The following TAX1BP3 variants were observed in gnomAD, a reference collection of about 807,000 sequenced individuals.
TAX1BP3 encodes the protein tax1-binding protein 3.
A neutral mutation model predicts 15.3 loss-of-function variants in TAX1BP3; 13 were observed. The observed-to-expected ratio is 0.85, with a 90% CI of 0.55 to 1.35. The LOEUF (loss-of-function observed/expected upper bound fraction) is 1.35, where lower values mean the gene tolerates loss of function less well. TAX1BP3 is among the 40% of genes most tolerant of loss of function. The pLI is 0.00. For synonymous variants in TAX1BP3, 70 were observed against 66.0 expected (o/e 1.06, Z -0.30); for missense variants, 147 against 169.6 (o/e 0.87, Z 0.74).
chr17:3,668,403 T>C lies in TAX1BP3; in HGVS notation c.39+85A>G. 1 of 1,531,184 alleles carries C rather than the reference T, an allele frequency of 6.5e-7. No individual in the cohort carries two copies. Among genetic ancestry groups the C allele is most frequent in the Non-Finnish European group, 8.8e-7 (1 of 1,132,674 alleles). The allele number at this position is 1,531,184 out of a possible 1,614,324, so 94.8% of individuals were successfully genotyped here. A position where few individuals can be genotyped will look rare whatever the true frequency, so the allele number is the denominator to read the frequency against. ...CGCAGGAGCCCCGGGTTCGATGCTCTGTCAACCTGCTTGGGGTGTCCGTTT... is the reference window on the plus strand; with the variant it reads ...CGCAGGAGCCCCGGGTTCGATGCTCCGTCAACCTGCTTGGGGTGTCCGTTT... On this transcript the variant is annotated intron_variant, in intron 1 of 3. Coordinates refer to ENST00000225525, the MANE Select transcript of TAX1BP3 (RefSeq NM_014604.4). This position sits in a 1 kb window ranked among gnomAD's most constrained non-coding sequence, Gnocchi z 4.1.
intron 2 of TAX1BP3, 174 bp from the exon 3 acceptor site, chr17:3,664,446 C>T: frequency 1.1e-6 from 1 of 939,526 alleles, no homozygotes; most frequent in Non-Finnish European, 1.6e-6. Flanking sequence ...GTTGCTGCAC[C>T]ACCATGCACC....
intron 2 of TAX1BP3, 74 bp downstream of exon 2, chr17:3,664,605 C>T (rs1431673737): frequency 1.3e-6 from 2 of 1,570,848 alleles, no homozygotes; most frequent in Admixed American, 1.7e-5. Flanking sequence ...TCCATGCAGG[C>T]CCAGGAAGCA....
At position 3,668,007 on chromosome 17, in the gene TAX1BP3, T is replaced by C. The variant is rs997513973; in HGVS notation, c.39+481A>G. Among the ~76,000 whole-genome samples, 3 of 152,206 alleles carry C rather than the reference T, an allele frequency of 2.0e-5. No individual in the cohort carries two copies. Among genetic ancestry groups the C allele is most frequent in the Admixed American group, 6.5e-5 (1 of 15,286 alleles). ...GGCGAGTGGGTTGGAGGAGCAAGGC[T>C]GGACAGGAAGGGGGCAGGGGCTGCC... On this transcript the variant is annotated intron_variant, in intron 1 of 3. Coordinates refer to ENST00000225525, the MANE Select transcript of TAX1BP3 (RefSeq NM_014604.4). The surrounding 1 kb of genome is among the most constrained non-coding windows in gnomAD (Gnocchi z 4.1).
Position 3,664,093 on chromosome 17 carries a change from G to A in TAX1BP3, c.237+102C>T. Reference sequence around the variant, plus strand: ...CAGTATGGGTTCCCAATTGGCTGCAGTGAGTCTCTCCCAGCTGGGAGGCTG... The same window carrying A: ...CAGTATGGGTTCCCAATTGGCTGCAATGAGTCTCTCCCAGCTGGGAGGCTG... On this transcript the variant is annotated intron_variant, in intron 3 of 3. Coordinates refer to ENST00000225525, the MANE Select transcript of TAX1BP3 (RefSeq NM_014604.4). 1.3e-6 allele frequency: 2 copies of A among 1,524,194 alleles called. 1 individual carries two copies. Among genetic ancestry groups the A allele is most frequent in the African/African-American group, 2.7e-5 (2 of 73,442 alleles). The allele number at this position is 1,524,194 out of a possible 1,614,324, so 94.4% of individuals were successfully genotyped here.
In TAX1BP3 at chr17:3,663,327, C is replaced by T. The variant is rs371391827; in HGVS notation, c.*421G>A. ...GCAGAGGCACTGCGGTGTGGACACA[C>T]GAGGGCTGGGGGGCAGGGGCGGAGC... On this transcript the variant is annotated 3_prime_UTR_variant, in exon 4 of 4. Transcript: ENST00000225525. 9 of 161,846 alleles carry T rather than the reference C, an allele frequency of 5.6e-5. No homozygotes were observed. The highest frequency in any genetic ancestry group is 6.3e-5 in the Admixed American group (1 of 15,924). 10.0% of individuals were successfully genotyped at this position (161,846 alleles called of 1,614,324 possible).
Position 3,663,847 on chromosome 17 carries a change from C to T in TAX1BP3, c.276G>A (p.Gln92=). ...AGCGCTTGGTGAGCCGCTTGCGGGC[C>T]TGGTCGTGTGTGACCATGGTCATGT... is the stretch of plus-strand genomic sequence containing the variant. ...GWDMTMVTHD[Q]ARKRLTKRSE... Residue 92 remains glutamine (Q), a synonymous_variant, in exon 4 of 4, where the codon CAG becomes CAA. Coordinates refer to ENST00000225525, the MANE Select transcript of TAX1BP3 (RefSeq NM_014604.4). The T allele has an allele frequency of 1.2e-6, 2 of 1,609,694 alleles. No individual in the cohort carries two copies. The highest frequency in any genetic ancestry group is 1.7e-6 in the Non-Finnish European group (2 of 1,179,968).
chr17:3,665,396 CA>C, intron 1 of TAX1BP3: 1 of 1,465,960 alleles, frequency 6.8e-7, no homozygotes, highest in Non-Finnish European at 9.4e-7. Flanking sequence ...GTTACCATGG[CA>C]AAACTGGAAG....
At position 3,668,515 on chromosome 17, in the gene TAX1BP3, G is replaced by A. The variant is rs921424492; in HGVS notation, c.12C>T (p.Ile4=). Residue 4 remains isoleucine (I), a synonymous_variant, in exon 1 of 4, where the codon ATC becomes ATT. Coordinates refer to ENST00000225525, the MANE Select transcript of TAX1BP3 (RefSeq NM_014604.4). This position sits in a 1 kb window ranked among gnomAD's most constrained non-coding sequence, Gnocchi z 4.1. ...CCACGGCGGTGACCGGCTGGCCCGG[G>A]ATGTAGGACATCTCGACCCTGCTCT... MSY[I]PGQPVTAVVQ... 6.2e-7 allele frequency: 1 copy of A among 1,608,496 alleles called. No individual in the cohort carries two copies. The highest frequency in any genetic ancestry group is 1.1e-5 in the South Asian group (1 of 90,296).
chr17:3,663,206 C>T lies in TAX1BP3; in HGVS notation c.*542G>A, dbSNP rs11541133. The T allele has an allele frequency of 0.034, 5,178 of 152,570 alleles. 129 individuals carry two copies. Among genetic ancestry groups the T allele is most frequent in the Middle Eastern group, 0.061 (18 of 296 alleles). 9.5% of individuals were successfully genotyped at this position (152,570 alleles called of 1,614,324 possible). Reference sequence around the variant, plus strand: ...GCAAACCCTGGGGAGGCCAGCACCCCTCGGGAGAGTGGGAGTGAACGCGGA... The same window carrying T: ...GCAAACCCTGGGGAGGCCAGCACCCTTCGGGAGAGTGGGAGTGAACGCGGA... On this transcript the variant is annotated 3_prime_UTR_variant, in exon 4 of 4. Coordinates refer to ENST00000225525, the MANE Select transcript of TAX1BP3 (RefSeq NM_014604.4).
intron 1 of TAX1BP3, chr17:3,665,476 C>G: frequency 7.2e-7 from 1 of 1,388,514 alleles, no homozygotes; most frequent in East Asian, 2.3e-5. Context: ...AAGATTCTTG[C>G]CAAGAGAATT....
At chr17:3,666,222 A>G (rs1027970999) in intron 1 of TAX1BP3, among the ~76,000 whole-genome samples, 2 of 152,174 alleles carry the variant, frequency 1.3e-5, no homozygotes, top group African/African-American at 2.4e-5. Context: ...CCAGGCTTTG[A>G]GGGGGTGATG....
chr17:3,668,016 AG>A lies in TAX1BP3; in HGVS notation c.39+471del, dbSNP rs888612145. ...GTTGGAGGAGCAAGGCTGGACAGGA[AG>A]GGGGCAGGGGCTGCCACGGCAGGCT... On this transcript the variant is annotated intron_variant, in intron 1 of 3. Transcript: ENST00000225525. This position sits in a 1 kb window ranked among gnomAD's most constrained non-coding sequence, Gnocchi z 4.1. 3.9e-5 allele frequency among the ~76,000 whole-genome samples: 6 copies of A among 152,242 alleles called. No homozygotes were observed. Among genetic ancestry groups the A allele is most frequent in the African/African-American group, 1.4e-4 (6 of 41,466 alleles).
intron 1 of TAX1BP3, among the ~76,000 whole-genome samples, chr17:3,666,277 G>A (rs896926505): frequency 1.3e-5 from 2 of 152,238 alleles, no homozygotes; most frequent in African/African-American, 4.8e-5. Context: ...TCTCAGGAAC[G>A]GAGTAGGGTA....
chr17:3,667,767 C>G (rs947259673), intron 1 of TAX1BP3, among the ~76,000 whole-genome samples: 1 of 152,196 alleles, frequency 6.6e-6, no homozygotes, highest in Non-Finnish European at 1.5e-5. Context: ...AACGTCCCAG[C>G]CTTCCTTCCT....
chr17:3,665,742 C>CAGAA, intron 1 of TAX1BP3: 1 of 140,596 alleles, frequency 7.1e-6, no homozygotes, highest in South Asian at 6.8e-5. Flanking sequence ...CTCTGGGCTC[C>CAGAA]AAAAAAAAAA....
Position 3,664,260 on chromosome 17 carries a change from TGACATA to T in TAX1BP3, c.166_171del (p.Tyr56_Val57del), listed in dbSNP as rs1567721256. Reference sequence around the variant, plus strand: ...GCAGGGCCTCCTTCAGACACCCGTGTGACATAAATACCCTGGAAAGGGGCAGCCCAA... The same window carrying T: ...GCAGGGCCTCCTTCAGACACCCGTGTAATACCCTGGAAAGGGGCAGCCCAA... On this transcript the variant is annotated inframe_deletion, in exon 3 of 4. Coordinates refer to ENST00000225525, the MANE Select transcript of TAX1BP3 (RefSeq NM_014604.4). 3 of 1,613,990 alleles carry T rather than the reference TGACATA, an allele frequency of 1.9e-6. No homozygotes were observed. Among genetic ancestry groups the T allele is most frequent in the Non-Finnish European group, 2.5e-6 (3 of 1,180,028 alleles).
rs1158873548 is a variant in TAX1BP3 at position 3,663,175 on chromosome 17, A to G, written c.*573T>C. ...AGCCTCGAACCTCGTCTAAATCCGT[A>G]AGAAGGCAAACCCTGGGGAGGCCAG... On this transcript the variant is annotated 3_prime_UTR_variant, in exon 4 of 4. Coordinates refer to ENST00000225525, the MANE Select transcript of TAX1BP3 (RefSeq NM_014604.4). The G allele has an allele frequency of 6.6e-6, 1 of 152,326 alleles. No homozygotes were observed. Among genetic ancestry groups the G allele is most frequent in the African/African-American group, 2.4e-5 (1 of 41,464 alleles). 9.4% of individuals were successfully genotyped at this position (152,326 alleles called of 1,614,324 possible). A position where few individuals can be genotyped will look rare whatever the true frequency, so the allele number is the denominator to read the frequency against.
chr17:3,665,743 A>C (rs2076333160), intron 1 of TAX1BP3: 1 of 216,610 alleles, frequency 4.6e-6, no homozygotes. Flanking sequence ...TCTGGGCTCC[A>C]AAAAAAAAAA....
intron 1 of TAX1BP3, among the ~76,000 whole-genome samples, chr17:3,666,981 T>C (rs76878368): frequency 0.036 from 5,430 of 152,230 alleles, 350 homozygotes; most frequent in African/African-American, 0.12. Context: ...GCTCCTCACC[T>C]GTCCCTGCCC....
Sources: gnomAD v4.1 joint callset for allele counts (sites outside exome capture counted in the v4.1 genomes callset) on GRCh38, gnomAD v4.1.1 for gene constraint, Gnocchi (gnomAD v3.1) non-coding constraint, MANE v1.5 for transcripts, NCBI Gene and HGNC (gene_info 2026-07-23, HGNC 2026-07-21) for gene names.